KAZN: variants seen among roughly 807,000 people sequenced by gnomAD.
KAZN encodes the protein kazrin.
A neutral mutation model predicts 87.4 loss-of-function variants in KAZN; 40 were observed. That is an observed-to-expected ratio of 0.46 (90% CI 0.36 to 0.60). KAZN has a LOEUF of 0.60. Ranked by LOEUF, KAZN falls within the 20% of genes least tolerant of loss-of-function variation. The pLI is 0.00. For missense variants in KAZN, 898 were observed against 1,073.9 expected, an observed-to-expected ratio of 0.84 and a Z score of 2.29; for synonymous variants, 466 against 458.3, an observed-to-expected ratio of 1.02 and a Z score of -0.22.
chr1:14,419,721 A>G (rs1408402544), intron 2 of KAZN, among the ~76,000 whole-genome samples: 5 of 150,698 alleles, frequency 3.3e-5, no homozygotes, highest in Admixed American at 1.3e-4. Context: ...GAAGCCGCAG[A>G]CCTCCGCGGT....
chr1:15,108,688 G>A (rs1052477998), intron 13 of KAZN, among the ~76,000 whole-genome samples: 2 of 152,146 alleles, frequency 1.3e-5, no homozygotes, highest in African/African-American at 4.8e-5. Context: ...GGCCCACCTG[G>A]TGGAGGCTGA....
chr1:14,053,535 T>A (rs1642426775), intron 1 of KAZN, among the ~76,000 whole-genome samples: 1 of 152,174 alleles, frequency 6.6e-6, no homozygotes, highest in Non-Finnish European at 1.5e-5. Flanking sequence ...TCTGCTCAGC[T>A]GTGAGGAAAA....
intron 1 of KAZN, among the ~76,000 whole-genome samples, chr1:14,081,887 C>T (rs1460764764): frequency 6.6e-6 from 1 of 152,186 alleles, no homozygotes; most frequent in Non-Finnish European, 1.5e-5. Flanking sequence ...CCTCCTACCT[C>T]AGCCTCCTGA....
At chr1:14,899,923 C>T (rs1655673431) in intron 1 of KAZN, among the ~76,000 whole-genome samples, 1 of 152,242 alleles carries the variant, frequency 6.6e-6, no homozygotes, top group Non-Finnish European at 1.5e-5. Context: ...AAAGCTGGCG[C>T]ATAATCCTGC....
chr1:15,064,429 C>T (rs1412630477), intron 7 of KAZN, among the ~76,000 whole-genome samples: 1 of 152,208 alleles, frequency 6.6e-6, no homozygotes, highest in East Asian at 1.9e-4. Context: ...AAGCCCCACC[C>T]CGGTTACGCA....
At chr1:14,398,644 G>A (rs574225711) in intron 2 of KAZN, among the ~76,000 whole-genome samples, 4 of 152,324 alleles carry the variant, frequency 2.6e-5, no homozygotes, top group East Asian at 1.9e-4. Flanking sequence ...TTTCCCAGAA[G>A]AGGAAACGTA....
intron 2 of KAZN, among the ~76,000 whole-genome samples, chr1:14,592,509 T>G (rs994768353): frequency 1.3e-5 from 2 of 152,194 alleles, no homozygotes; most frequent in Non-Finnish European, 2.9e-5. Flanking sequence ...TTCTGGTTGA[T>G]CAGGGGTGGG....
chr1:14,431,941 A>G (rs983173742), intron 2 of KAZN, among the ~76,000 whole-genome samples: 2 of 152,080 alleles, frequency 1.3e-5, no homozygotes, highest in Admixed American at 6.5e-5. Flanking sequence ...ATGTGAACCA[A>G]TTCTCCCTAA....
At chr1:14,929,812 G>A in intron 1 of KAZN, 1 of 985,464 alleles carries the variant, frequency 1.0e-6, no homozygotes, top group Non-Finnish European at 1.2e-6. Flanking sequence ...GAGAGGGAAG[G>A]TCAGGCTTGC....
intron 1 of KAZN, among the ~76,000 whole-genome samples, chr1:14,660,525 G>C (rs1184165843): frequency 8.4e-6 from 1 of 119,290 alleles, no homozygotes; most frequent in Admixed American, 8.4e-5. Flanking sequence ...ATCTCTCCAA[G>C]TTTCTCTCTC....
intron 1 of KAZN, among the ~76,000 whole-genome samples, chr1:13,904,996 T>G (rs1187052555): frequency 3.3e-5 from 5 of 152,330 alleles, no homozygotes; most frequent in African/African-American, 1.2e-4. Flanking sequence ...GGTTCATTAA[T>G]TTTCTTTCTA....
intron 1 of KAZN, among the ~76,000 whole-genome samples, chr1:14,878,637 A>G (rs919279564): frequency 9.2e-5 from 14 of 152,200 alleles, no homozygotes; most frequent in African/African-American, 3.4e-4. Context: ...AGTTCTAAGA[A>G]CAGGCTTGGG....
intron 2 of KAZN, among the ~76,000 whole-genome samples, chr1:14,292,629 A>G (rs1653799848): frequency 6.6e-6 from 1 of 152,160 alleles, no homozygotes; most frequent in Admixed American, 6.5e-5. Context: ...ACCTCGCCTC[A>G]TTGCAGAGGT....
At chr1:14,095,179 T>G (rs1430735394) in intron 1 of KAZN, among the ~76,000 whole-genome samples, 1 of 152,144 alleles carries the variant, frequency 6.6e-6, no homozygotes, top group African/African-American at 2.4e-5. Context: ...CTTCCAAATA[T>G]TTCTAAATGT....
chr1:14,420,717 T>C (rs1342990239), intron 2 of KAZN, among the ~76,000 whole-genome samples: 1 of 152,104 alleles, frequency 6.6e-6, no homozygotes, highest in African/African-American at 2.4e-5. Context: ...CTGGGGGACC[T>C]GGCGCACCCT....
At chr1:14,505,316 G>C (rs2148435445) in intron 2 of KAZN, among the ~76,000 whole-genome samples, 1 of 152,302 alleles carries the variant, frequency 6.6e-6, no homozygotes, top group Middle Eastern at 3.4e-3. Context: ...GCAAGTGGAT[G>C]GAAGGAGGAA....
At chr1:14,850,974 T>C (rs1649365191) in intron 1 of KAZN, among the ~76,000 whole-genome samples, 2 of 152,172 alleles carry the variant, frequency 1.3e-5, no homozygotes, top group African/African-American at 4.8e-5. Context: ...CAGCACGCAG[T>C]CTTTCTCCAC....
At chr1:14,743,416 C>T (rs1309908573) in intron 1 of KAZN, among the ~76,000 whole-genome samples, 2 of 144,116 alleles carry the variant, frequency 1.4e-5, no homozygotes, top group African/African-American at 2.6e-5. Context: ...GGGGACTGAG[C>T]GAGACTCTGT....
intron 2 of KAZN, among the ~76,000 whole-genome samples, chr1:14,265,171 G>A (rs911560398): frequency 1.3e-5 from 2 of 152,132 alleles, no homozygotes; most frequent in Admixed American, 1.3e-4. Flanking sequence ...AAATTAGTAG[G>A]TTTCTAAATA....
Sources: allele counts gnomAD v4.1 joint callset (sites outside exome capture counted in the v4.1 genomes callset), GRCh38; gene constraint gnomAD v4.1.1; transcripts MANE v1.5; gene names NCBI Gene and HGNC (gene_info 2026-07-23, HGNC 2026-07-21).